Variants in PRUNE2 observed in about 807,000 individuals in gnomAD.
The protein encoded by PRUNE2 is prune homolog 2 with BCH domain.
Under a neutral mutation model 252.0 loss-of-function variants are expected in PRUNE2, and 164 were observed. The observed-to-expected ratio is 0.65, with a 90% confidence interval of 0.57 to 0.74. The LOEUF (loss-of-function observed/expected upper bound fraction) is 0.74. Ranked by LOEUF, PRUNE2 falls within the 30% of genes least tolerant of loss-of-function variation. The pLI, the probability that PRUNE2 is intolerant of heterozygous loss-of-function variation, is 0.00. For missense variants in PRUNE2, 3,495 were observed against 3,711.0 expected (o/e 0.94, Z 1.51); for synonymous variants, 1,292 against 1,350.2 (o/e 0.96, Z 0.94).
chr9:76,810,297 G>C (rs2057270349), intron 6 of PRUNE2, among the ~76,000 whole-genome samples: 1 of 152,060 alleles, frequency 6.6e-6, no homozygotes, highest in Admixed American at 6.5e-5. Context: ...AGTCATGGAG[G>C]TTCAATGAGA....
At chr9:76,813,153 G>A (rs954484093) in intron 6 of PRUNE2, among the ~76,000 whole-genome samples, 5 of 152,084 alleles carry the variant, frequency 3.3e-5, no homozygotes, top group African/African-American at 1.2e-4. Flanking sequence ...GAGCATTTAC[G>A]CTATGGAAAT....
At chr9:76,627,277 T>C (rs1395280014) in intron 16 of PRUNE2, among the ~76,000 whole-genome samples, 2 of 111,922 alleles carry the variant, frequency 1.8e-5, no homozygotes, top group Non-Finnish European at 2.2e-5. Context: ...ATTTTTGTGT[T>C]TTTTTCATAG....
rs1340373816 is a variant in PRUNE2 at position 76,711,207 on chromosome 9, C to T, written c.1067G>A (p.Arg356Lys). The T allele has an allele frequency of 2.5e-6, 4 of 1,613,926 alleles. No homozygotes were observed. In the South Asian group the frequency reaches 4.4e-5, roughly 18 times the overall value. The change falls in exon 8 of 19, where the codon AGG becomes AAG. Residue 356 changes from arginine (R) to lysine (K), a missense_variant. Transcript: ENST00000376718. Reference protein sequence around the residue: ...VLVVKEVINRRCPEMVSNSRT... With the variant: ...VLVVKEVINRKCPEMVSNSRT... The stretch of plus-strand genomic sequence containing the variant: ...GCTATTGGAGACCATCTCTGGACAC[C>T]TCCTGTTGATGACTTCCTTGACAAC...
chr9:76,624,787 A>T (rs1161492585), intron 16 of PRUNE2, among the ~76,000 whole-genome samples: 1 of 152,226 alleles, frequency 6.6e-6, no homozygotes, highest in Non-Finnish European at 1.5e-5. Flanking sequence ...TCTGGTGGGT[A>T]CAGTTCAAGT....
At chr9:76,766,598 T>C (rs2052419719) in intron 6 of PRUNE2, among the ~76,000 whole-genome samples, 1 of 152,196 alleles carries the variant, frequency 6.6e-6, no homozygotes, top group Admixed American at 6.5e-5. Context: ...CTTGCTTTCC[T>C]TCCATGTTTT....
At chr9:76,770,803 G>A (rs1429948425) in intron 6 of PRUNE2, among the ~76,000 whole-genome samples, 1 of 152,144 alleles carries the variant, frequency 6.6e-6, no homozygotes, top group African/African-American at 2.4e-5. Context: ...AGGGACAGTG[G>A]AGAAATCCAG....
intron 6 of PRUNE2, among the ~76,000 whole-genome samples, chr9:76,788,832 T>A (rs974927003): frequency 6.6e-6 from 1 of 152,198 alleles, no homozygotes; most frequent in African/African-American, 2.4e-5. Context: ...TGGAATTAAA[T>A]GAGTCAGGTC....
Position 76,905,972 on chromosome 9 carries a change from T to G in PRUNE2, c.-9A>C. 6.2e-7 allele frequency: 1 copy of G among 1,614,138 alleles called. No individual in the cohort carries two copies. Among genetic ancestry groups the G allele is most frequent in the South Asian group, 1.1e-5 (1 of 91,086 alleles). ...TGCAAAAATTCTTCCATGTCGTGGC[T>G]AGGGGTTTGGAACCCGGGTACTCGG... On this transcript the variant is annotated 5_prime_UTR_variant, in exon 1 of 19. Coordinates refer to ENST00000376718, the MANE Select transcript of PRUNE2 (RefSeq NM_015225.3).
intron 6 of PRUNE2, among the ~76,000 whole-genome samples, chr9:76,765,778 C>A (rs531815343): frequency 6.6e-6 from 1 of 152,316 alleles, no homozygotes; most frequent in East Asian, 1.9e-4. Context: ...CTTGTCCAAA[C>A]CAGTGCTTTT....
intron 4 of PRUNE2, among the ~76,000 whole-genome samples, chr9:76,839,400 C>T (rs984428093): frequency 2.0e-5 from 3 of 152,010 alleles, no homozygotes; most frequent in Non-Finnish European, 4.4e-5. Flanking sequence ...AGAGAGATGA[C>T]GAGATACTAT....
chr9:76,720,762 C>CT lies in PRUNE2; in HGVS notation c.757-7042dup, dbSNP rs1393640674. Reference sequence around the variant, plus strand: ...ACTTTCAAATAATAATCACACACATCTTTAAGTCATTTAAGTGATTTACAT... The same window carrying CT: ...ACTTTCAAATAATAATCACACACATCTTTTAAGTCATTTAAGTGATTTACAT... On this transcript the variant is annotated intron_variant, in intron 6 of 18. Transcript: ENST00000376718. 2.6e-5 allele frequency among the ~76,000 whole-genome samples: 4 copies of CT among 152,210 alleles called. No individual in the cohort carries two copies. The South Asian group carries it at 8.3e-4, about 32-fold the overall frequency.
chr9:76,698,346 A>T (rs2045586567), intron 9 of PRUNE2, among the ~76,000 whole-genome samples: 1 of 152,082 alleles, frequency 6.6e-6, no homozygotes, highest in Admixed American at 6.6e-5. Context: ...CGTGCCCGGC[A>T]AAGGACTTTT....
At chr9:76,875,839 T>G (rs1013588564) in intron 1 of PRUNE2, among the ~76,000 whole-genome samples, 2 of 152,242 alleles carry the variant, frequency 1.3e-5, no homozygotes, top group African/African-American at 4.8e-5. Context: ...TCTATGTCCC[T>G]TTGACACGTA....
chr9:76,799,915 A>G (rs2056424466), intron 6 of PRUNE2, among the ~76,000 whole-genome samples: 3 of 152,162 alleles, frequency 2.0e-5, no homozygotes, highest in Non-Finnish European at 2.9e-5. Flanking sequence ...AGGTGATAGA[A>G]AAAGAGGCTG....
chr9:76,866,640 C>T (rs545063780), intron 1 of PRUNE2, among the ~76,000 whole-genome samples: 25 of 151,868 alleles, frequency 1.6e-4, no homozygotes, highest in African/African-American at 6.0e-4. Flanking sequence ...TTCTCTTTGG[C>T]CTCTCTGCTG....
intron 15 of PRUNE2, among the ~76,000 whole-genome samples, chr9:76,631,084 G>GTCCTCTCC (rs1837439105): frequency 6.6e-6 from 1 of 152,226 alleles, no homozygotes; most frequent in African/African-American, 2.4e-5. Flanking sequence ...GTGAACAACC[G>GTCCTCTCC]TCCTCTCCAT....
At chr9:76,883,213 A>C (rs1198408611) in intron 1 of PRUNE2, among the ~76,000 whole-genome samples, 3 of 152,222 alleles carry the variant, frequency 2.0e-5, no homozygotes, top group Non-Finnish European at 2.9e-5. Flanking sequence ...GTCACTATTA[A>C]ATACAGAAAG....
chr9:76,749,504 G>A (rs2050421899), intron 6 of PRUNE2, among the ~76,000 whole-genome samples: 1 of 152,150 alleles, frequency 6.6e-6, no homozygotes, highest in South Asian at 2.1e-4. Flanking sequence ...CTGATTTGTA[G>A]TTTTGCCTGT....
At chr9:76,831,427 A>C (rs2058671478) in intron 4 of PRUNE2, among the ~76,000 whole-genome samples, 1 of 152,178 alleles carries the variant, frequency 6.6e-6, no homozygotes, top group South Asian at 2.1e-4. Flanking sequence ...TTCAATATTC[A>C]CTGTATAAAA....
Sources: allele counts gnomAD v4.1 joint callset (sites outside exome capture counted in the v4.1 genomes callset), GRCh38; gene constraint gnomAD v4.1.1; transcripts MANE v1.5; gene names NCBI Gene and HGNC (gene_info 2026-07-23, HGNC 2026-07-21).